The following STK39 variants were observed in gnomAD, a reference collection of about 807,000 sequenced individuals.
STK39 encodes STE20/SPS1-related proline-alanine-rich protein kinase.
Under a neutral mutation model 77.8 loss-of-function variants are expected in STK39, and 20 were observed. The observed-to-expected ratio is 0.26, with a 90% CI of 0.18 to 0.37. STK39 has a LOEUF of 0.37. Ranked by LOEUF, STK39 falls within the 10% of genes least tolerant of loss-of-function variation. The pLI, the probability that STK39 is intolerant of heterozygous loss-of-function variation, is 1.00. For synonymous variants in STK39, 246 were observed against 234.1 expected, an observed-to-expected ratio of 1.05 and a Z score of -0.47; for missense variants, 479 against 656.5, an observed-to-expected ratio of 0.73 and a Z score of 2.95.
At chr2:168,031,229 T>C (rs538511410) in intron 14 of STK39, among the ~76,000 whole-genome samples, 3 of 152,320 alleles carry the variant, frequency 2.0e-5, no homozygotes, top group Admixed American at 6.5e-5. Flanking sequence ...ATGATTTGCA[T>C]GACAGTATTT....
At chr2:168,125,716 C>A (rs1199915423) in intron 10 of STK39, among the ~76,000 whole-genome samples, 1 of 152,054 alleles carries the variant, frequency 6.6e-6, no homozygotes, top group Non-Finnish European at 1.5e-5. Flanking sequence ...TTACCACACA[C>A]CCAAAAAAAA....
chr2:168,239,250 A>G (rs1690697367), intron 1 of STK39, among the ~76,000 whole-genome samples: 1 of 152,192 alleles, frequency 6.6e-6, no homozygotes, highest in Non-Finnish European at 1.5e-5. Context: ...ATGAACAGCA[A>G]GAGAGAGAGA....
intron 14 of STK39, among the ~76,000 whole-genome samples, chr2:168,019,891 G>T (rs1279353862): frequency 6.6e-6 from 1 of 152,032 alleles, no homozygotes; most frequent in African/African-American, 2.4e-5. Flanking sequence ...TTTTAGTAGA[G>T]ACAGGGTTTC....
At chr2:168,180,791 T>A (rs1195331902) in intron 2 of STK39, among the ~76,000 whole-genome samples, 1 of 152,224 alleles carries the variant, frequency 6.6e-6, no homozygotes, top group Non-Finnish European at 1.5e-5. Context: ...GCCTTGAATG[T>A]ATGCAAATTT....
intron 1 of STK39, among the ~76,000 whole-genome samples, chr2:168,242,557 AAAAATATATATATATATATAT>A (rs1410806650): frequency 1.7e-5 from 1 of 59,118 alleles, no homozygotes; most frequent in African/African-American, 7.8e-5. Context: ...AAAAAAAAAA[AAAAATATATATATATATATAT>A]ATATATATAT....
At chr2:168,155,765 C>T (rs1688411630) in intron 5 of STK39, among the ~76,000 whole-genome samples, 1 of 152,192 alleles carries the variant, frequency 6.6e-6, no homozygotes, top group South Asian at 2.1e-4. Flanking sequence ...CAGTAGTATA[C>T]ATACCTAAAT....
intron 2 of STK39, 77 bp from the exon 3 acceptor site, chr2:168,167,484 G>T: frequency 7.7e-7 from 1 of 1,299,854 alleles, no homozygotes; most frequent in Non-Finnish European, 1.1e-6. Context: ...TCACAGTTGA[G>T]TACCTGGGTA....
chr2:168,091,897 A>G (rs1686536194), intron 10 of STK39, among the ~76,000 whole-genome samples: 1 of 152,216 alleles, frequency 6.6e-6, no homozygotes, highest in East Asian at 1.9e-4. Flanking sequence ...AAGGACATTT[A>G]AAAACATGAT....
chr2:167,980,865 G>C (rs769318851), intron 16 of STK39, among the ~76,000 whole-genome samples: 1 of 149,152 alleles, frequency 6.7e-6, no homozygotes, highest in Admixed American at 6.7e-5. Flanking sequence ...ACCTTTAAAG[G>C]TTTTATCTTC....
At chr2:168,208,779 C>A (rs1689807833) in intron 1 of STK39, among the ~76,000 whole-genome samples, 1 of 152,206 alleles carries the variant, frequency 6.6e-6, no homozygotes, top group Admixed American at 6.5e-5. Context: ...GGCGGGGAAG[C>A]CCCTGAGCAG....
chr2:167,975,471 A>C (rs1221207313), intron 16 of STK39, among the ~76,000 whole-genome samples: 2 of 152,176 alleles, frequency 1.3e-5, no homozygotes, highest in African/African-American at 4.8e-5. Context: ...CCAGGAAAAG[A>C]GATCAACCAA....
At chr2:168,233,887 G>A (rs1355006801) in intron 1 of STK39, among the ~76,000 whole-genome samples, 1 of 152,166 alleles carries the variant, frequency 6.6e-6, no homozygotes, top group Non-Finnish European at 1.5e-5. Flanking sequence ...CATTTGGACA[G>A]AATCTGTGTT....
At chr2:168,229,316 C>T (rs13385320) in intron 1 of STK39, among the ~76,000 whole-genome samples, 58,134 of 150,616 alleles carry the variant, frequency 0.39, 12,107 homozygotes, top group Non-Finnish European at 0.48. Flanking sequence ...ACCCAGGAGG[C>T]GGAGGTTGCA....
At chr2:168,109,573 C>T (rs771011482) in intron 10 of STK39, among the ~76,000 whole-genome samples, 1 of 152,096 alleles carries the variant, frequency 6.6e-6, no homozygotes, top group Non-Finnish European at 1.5e-5. Context: ...TATGGATTCT[C>T]GAAGCGTAAA....
intron 10 of STK39, among the ~76,000 whole-genome samples, chr2:168,117,621 A>T (rs1687291975): frequency 2.0e-5 from 3 of 152,234 alleles, no homozygotes; most frequent in Admixed American, 2.0e-4. Flanking sequence ...AAAGCTTCAC[A>T]GAAAAGATGC....
At chr2:168,163,972 C>T in intron 3 of STK39, 92 bp from the exon 4 acceptor site, 1 of 1,476,746 alleles carries the variant, frequency 6.8e-7, no homozygotes, top group East Asian at 2.3e-5. Flanking sequence ...ATAGAAACAT[C>T]AAAATATGGG....
At chr2:168,096,604 G>C (rs1686673208) in intron 10 of STK39, among the ~76,000 whole-genome samples, 1 of 152,156 alleles carries the variant, frequency 6.6e-6, no homozygotes, top group South Asian at 2.1e-4. Context: ...TGGAATTTAA[G>C]AACCTGCTGT....
At chr2:167,987,466 G>T (rs545302234) in intron 16 of STK39, among the ~76,000 whole-genome samples, 1 of 151,686 alleles carries the variant, frequency 6.6e-6, no homozygotes, top group Non-Finnish European at 1.5e-5. Context: ...GAAAAAATAG[G>T]ATATACTAAT....
intron 14 of STK39, among the ~76,000 whole-genome samples, chr2:168,058,896 T>C (rs967047854): frequency 2.0e-5 from 3 of 152,358 alleles, no homozygotes; most frequent in Middle Eastern, 3.4e-3. Flanking sequence ...ATTCAGATCA[T>C]ATCACTCTTT....
Sources: allele counts gnomAD v4.1 joint callset (sites outside exome capture counted in the v4.1 genomes callset), GRCh38; gene constraint gnomAD v4.1.1; transcripts MANE v1.5; gene names NCBI Gene and HGNC (gene_info 2026-07-23, HGNC 2026-07-21).